AGBL1: variants seen among roughly 807,000 people sequenced by gnomAD.
AGBL1 encodes AGBL carboxypeptidase 1.
Under a neutral mutation model 118.9 loss-of-function variants are expected in AGBL1, and 130 were observed. The observed-to-expected ratio is 1.09, with a 90% CI of 0.95 to 1.26. The LOEUF (loss-of-function observed/expected upper bound fraction) is 1.26, where lower values mean the gene tolerates loss of function less well. Among genes scored for constraint, AGBL1 ranks in the 50% most tolerant of loss-of-function variants. The probability of loss-of-function intolerance (pLI) is 0.00; values close to 1 mark genes in which losing one functional copy is unlikely to be tolerated. For missense variants in AGBL1, 1,584 were observed against 1,298.1 expected (o/e 1.22, Z -3.38); for synonymous variants, 555 against 478.9 (o/e 1.16, Z -2.08).
At chr15:86,419,940 C>T (rs774986976) in intron 18 of AGBL1, among the ~76,000 whole-genome samples, 2 of 152,196 alleles carry the variant, frequency 1.3e-5, no homozygotes, top group Non-Finnish European at 2.9e-5. Context: ...CAGGGTATCT[C>T]TGAAAGAAAG....
chr15:86,690,505 G>A (rs913816637), intron 22 of AGBL1, among the ~76,000 whole-genome samples: 2 of 152,126 alleles, frequency 1.3e-5, no homozygotes, highest in Non-Finnish European at 2.9e-5. Flanking sequence ...AGGCAAAAAC[G>A]CTGAATTCTT....
chr15:86,824,207 A>C (rs2078977253), intron 22 of AGBL1, among the ~76,000 whole-genome samples: 1 of 152,124 alleles, frequency 6.6e-6, no homozygotes, highest in East Asian at 1.9e-4. Context: ...AATACCCCCC[A>C]AAAACTTGAG....
In AGBL1 at chr15:86,363,165, T is replaced by C. The variant is rs144262740; in HGVS notation, c.2375-34201T>C. On this transcript the variant is annotated intron_variant, in intron 17 of 22. Coordinates refer to ENST00000614907, the MANE Select transcript of AGBL1 (RefSeq NM_001386094.1). Reference sequence around the variant, plus strand: ...TTGGTTATGAGCGTTGCCAGTGTTTTTCAATCTCGTATCTGGATCCTAAAG... The same window carrying C: ...TTGGTTATGAGCGTTGCCAGTGTTTCTCAATCTCGTATCTGGATCCTAAAG... Among the ~76,000 whole-genome samples the C allele has an allele frequency of 3.9e-4, 59 of 152,214 alleles. No individual in the cohort carries two copies. In the East Asian group the frequency reaches 9.7e-3, roughly 25 times the overall value.
intron 17 of AGBL1, among the ~76,000 whole-genome samples, chr15:86,341,325 A>G (rs1245898482): frequency 3.3e-5 from 5 of 152,256 alleles, no homozygotes; most frequent in Admixed American, 6.5e-5. Context: ...GTTTGTGACA[A>G]TTGGCATTTC....
At chr15:86,131,843 G>A (rs1245372693) in intron 1 of AGBL1, among the ~76,000 whole-genome samples, 2 of 151,890 alleles carry the variant, frequency 1.3e-5, no homozygotes, top group African/African-American at 2.4e-5. Context: ...CCAGCTACTC[G>A]GGAGGCTGAG....
chr15:87,019,192 G>A (rs1271434442), intron 24 of AGBL1, among the ~76,000 whole-genome samples: 1 of 152,018 alleles, frequency 6.6e-6, no homozygotes, highest in African/African-American at 2.4e-5. Flanking sequence ...ACACTCCATG[G>A]ACGTTATTAG....
intron 11 of AGBL1, 77 bp downstream of exon 11, chr15:86,264,915 A>T (rs376196728): frequency 5.4e-6 from 7 of 1,290,630 alleles, no homozygotes; most frequent in East Asian, 4.8e-5. Context: ...TTGTACAGAT[A>T]ATTCTACTAT....
In AGBL1 at chr15:86,338,627, T is replaced by C. The variant is rs76998447; in HGVS notation, c.2374+43219T>C. ...GGGGGGTGGCTGTATTTTGGACCCA[T>C]TTTGAAGGCAGAACAACAGATTTTG... On this transcript the variant is annotated intron_variant, in intron 17 of 22. Coordinates refer to ENST00000614907, the MANE Select transcript of AGBL1 (RefSeq NM_001386094.1). Among the ~76,000 whole-genome samples the C allele has an allele frequency of 3.7e-3, 556 of 152,200 alleles. 4 individuals carry two copies. Among genetic ancestry groups the C allele is most frequent in the African/African-American group, 0.013 (531 of 41,510 alleles).
intron 22 of AGBL1, among the ~76,000 whole-genome samples, chr15:86,704,072 A>G (rs539218690): frequency 6.6e-6 from 1 of 152,314 alleles, no homozygotes; most frequent in Non-Finnish European, 1.5e-5. Flanking sequence ...GGTGCCAGGA[A>G]AACTGGCTAG....
chr15:86,465,478 C>T (rs182654628), intron 18 of AGBL1, among the ~76,000 whole-genome samples: 203 of 152,284 alleles, frequency 1.3e-3, no homozygotes, highest in Middle Eastern at 6.8e-3. Context: ...TTCTGACTGC[C>T]TGCGGGGCCG....
chr15:86,380,431 T>C (rs1425918783), intron 17 of AGBL1, among the ~76,000 whole-genome samples: 1 of 151,568 alleles, frequency 6.6e-6, no homozygotes, highest in Non-Finnish European at 1.5e-5. Flanking sequence ...ATTACAGGCG[T>C]GCGCCACCTG....
intron 17 of AGBL1, among the ~76,000 whole-genome samples, chr15:86,306,448 A>T (rs879698368): frequency 3.3e-5 from 5 of 152,196 alleles, no homozygotes; most frequent in Non-Finnish European, 7.4e-5. Flanking sequence ...TTCATGTAAC[A>T]TAATGATCTC....
chr15:86,734,431 A>G (rs778204355), intron 22 of AGBL1, among the ~76,000 whole-genome samples: 5 of 152,200 alleles, frequency 3.3e-5, no homozygotes, highest in Admixed American at 1.3e-4. Flanking sequence ...GAAAAGATGT[A>G]GAGACTAAGA....
At chr15:86,683,681 C>A (rs1209371282) in intron 22 of AGBL1, among the ~76,000 whole-genome samples, 1 of 152,154 alleles carries the variant, frequency 6.6e-6, no homozygotes, top group Non-Finnish European at 1.5e-5. Flanking sequence ...AGGCTACCAG[C>A]CCCTGGAAAA....
chr15:86,247,141 A>G (rs941716130), intron 6 of AGBL1, among the ~76,000 whole-genome samples: 26 of 152,382 alleles, frequency 1.7e-4, no homozygotes, highest in African/African-American at 6.2e-4. Flanking sequence ...TATTAGATCT[A>G]CAGATCTTAT....
intron 18 of AGBL1, among the ~76,000 whole-genome samples, chr15:86,479,030 A>G (rs966162286): frequency 6.6e-6 from 1 of 152,238 alleles, no homozygotes; most frequent in African/African-American, 2.4e-5. Flanking sequence ...GGCTAGCCAC[A>G]TGTAGAAAGC....
chr15:86,187,655 A>C lies in AGBL1; in HGVS notation c.488+28629A>C, dbSNP rs571501744. On this transcript the variant is annotated intron_variant, in intron 5 of 22. Coordinates refer to ENST00000614907, the MANE Select transcript of AGBL1 (RefSeq NM_001386094.1). Reference sequence around the variant, plus strand: ...GGCCCAGAACAATGGATTGAATTTAACAAGTTTTAATAATGAATACTATCC... The same window carrying C: ...GGCCCAGAACAATGGATTGAATTTACCAAGTTTTAATAATGAATACTATCC... Among the ~76,000 whole-genome samples, 7 of 152,314 alleles carry C rather than the reference A, an allele frequency of 4.6e-5. No individual in the cohort carries two copies. The South Asian group carries it at 1.5e-3, about 32-fold the overall frequency.
chr15:86,630,613 T>C (rs2437793), intron 21 of AGBL1: 62,327 of 152,196 alleles, frequency 0.41, 13,916 homozygotes, highest in Middle Eastern at 0.58. Flanking sequence ...CTTTGAGTTG[T>C]CTTAATTCCT....
chr15:86,411,377 G>A (rs927906361), intron 18 of AGBL1, among the ~76,000 whole-genome samples: 1 of 152,104 alleles, frequency 6.6e-6, no homozygotes, highest in Non-Finnish European at 1.5e-5. Flanking sequence ...GGCTGGCATT[G>A]GAAAATTGCC....
Sources: allele counts gnomAD v4.1 joint callset (sites outside exome capture counted in the v4.1 genomes callset), GRCh38; gene constraint gnomAD v4.1.1; transcripts MANE v1.5; gene names NCBI Gene and HGNC (gene_info 2026-07-23, HGNC 2026-07-21).